The following NPAS3 variants were observed in gnomAD, a reference collection of about 807,000 sequenced individuals.
NPAS3 encodes the protein neuronal PAS domain-containing protein 3.
NPAS3 carries 14 observed loss-of-function variants against 73.1 expected under a neutral mutation model. The observed-to-expected ratio is 0.19, with a 90% confidence interval of 0.13 to 0.30. The LOEUF (loss-of-function observed/expected upper bound fraction) is 0.30. NPAS3 is among the 10% of genes least tolerant of loss of function. The probability of loss-of-function intolerance (pLI) is 1.00; values close to 1 mark genes in which losing one functional copy is unlikely to be tolerated. For synonymous variants in NPAS3, 620 were observed against 541.5 expected (o/e 1.14, Z -2.01); for missense variants, 1,096 against 1,250.0 (o/e 0.88, Z 1.86).
rs551816102 is a variant in NPAS3, at chr14:33,115,460, G to A, written c.140+59466G>A. 7.9e-5 allele frequency among the ~76,000 whole-genome samples: 12 copies of A among 152,144 alleles called. No homozygotes were observed. In the South Asian group the frequency reaches 2.5e-3, roughly 32 times the overall value. Reference sequence around the variant, plus strand: ...ATTCACAAGGTGAGCATATAATGCTGGTGTCATAAGACATCTTTTCTGAGT... The same window carrying A: ...ATTCACAAGGTGAGCATATAATGCTAGTGTCATAAGACATCTTTTCTGAGT... On this transcript the variant is annotated intron_variant, in intron 2 of 11. Coordinates refer to ENST00000356141, the Ensembl canonical transcript of NPAS3.
At chr14:33,301,323 T>TATATATATATA (rs1555370644) in intron 3 of NPAS3, among the ~76,000 whole-genome samples, 20 of 81,526 alleles carry the variant, frequency 2.5e-4, no homozygotes, top group East Asian at 3.8e-4. Context: ...TATATATATA[T>TATATATATATA]TTTTTTTTTT....
At chr14:32,935,495 A>AT (rs1212583528), upstream of NPAS3, among the ~76,000 whole-genome samples, 2 of 152,188 alleles carry the variant, frequency 1.3e-5, no homozygotes, top group Admixed American at 6.5e-5. Flanking sequence ...TAGTGTTATC[A>AT]TGTCACCTGT....
intron 4 of NPAS3, among the ~76,000 whole-genome samples, chr14:33,529,404 C>A (rs2053943515): frequency 6.6e-6 from 1 of 151,964 alleles, no homozygotes; most frequent in African/African-American, 2.4e-5. Flanking sequence ...TTTTCCTGAG[C>A]AGAATCTAGG....
chr14:33,337,785 C>T (rs1020176597), intron 3 of NPAS3, among the ~76,000 whole-genome samples: 1 of 152,022 alleles, frequency 6.6e-6, no homozygotes, highest in Non-Finnish European at 1.5e-5. Flanking sequence ...AGTGTACACA[C>T]AGGTCTTGTA....
At chr14:33,361,520 A>G (rs1375227896) in intron 3 of NPAS3, among the ~76,000 whole-genome samples, 1 of 152,202 alleles carries the variant, frequency 6.6e-6, no homozygotes, top group Non-Finnish European at 1.5e-5. Flanking sequence ...TTTTCCCAAA[A>G]GCAGTTCATT....
rs1594716537 is a variant in NPAS3 at position 33,334,238 on chromosome 14, A to G, written c.386-32948A>G. 3.9e-5 allele frequency among the ~76,000 whole-genome samples: 6 copies of G among 152,144 alleles called. No individual in the cohort carries two copies. The East Asian group carries it at 1.2e-3, about 29-fold the overall frequency. On this transcript the variant is annotated intron_variant, in intron 3 of 11. Transcript: ENST00000356141. Reference sequence around the variant, plus strand: ...TAAGAGCTTTGTTGAAGTATATTTTATATACTGTGCAATTCACTGATTATA... The same window carrying G: ...TAAGAGCTTTGTTGAAGTATATTTTGTATACTGTGCAATTCACTGATTATA...
chr14:33,133,674 G>A (rs949219334), intron 2 of NPAS3, among the ~76,000 whole-genome samples: 7 of 152,220 alleles, frequency 4.6e-5, no homozygotes, highest in African/African-American at 1.7e-4. Context: ...TAGAAAAGGT[G>A]ACAAGGGCTG....
rs540551823 is a variant in NPAS3 at position 33,383,235 on chromosome 14, G to GTCTTGT, written c.468+15970_468+15975dup. Among the ~76,000 whole-genome samples the GTCTTGT allele has an allele frequency of 7.6e-3, 1,163 of 152,112 alleles. 4 individuals are homozygous for GTCTTGT. Among genetic ancestry groups the GTCTTGT allele is most frequent in the Middle Eastern group, 0.014 (4 of 294 alleles). On this transcript the variant is annotated intron_variant, in intron 4 of 11. Transcript: ENST00000356141. ...TAAGCAACTTGAAGATGGCTGTCAT[G>GTCTTGT]TCTTGTTCATCTTCGTGTCTTCCAC...
At position 33,224,970 on chromosome 14, in the gene NPAS3, T is replaced by A. The variant is rs147800474; in HGVS notation, c.385+9544T>A. ...TGTTTCAAAATAAAAAGTTTTATTT[T>A]AAAAAAATCACTAGAATTCACTCTG... is the stretch of plus-strand genomic sequence containing the variant. On this transcript the variant is annotated intron_variant, in intron 3 of 11. Transcript: ENST00000356141. Among the ~76,000 whole-genome samples, 1,338 of 152,236 alleles carry A rather than the reference T, an allele frequency of 8.8e-3. 10 individuals carry two copies. Among genetic ancestry groups the A allele is most frequent in the Middle Eastern group, 0.031 (9 of 294 alleles).
chr14:33,585,068 C>T (rs8014872), intron 5 of NPAS3, among the ~76,000 whole-genome samples: 109,321 of 150,510 alleles, frequency 0.73, 40,501 homozygotes, highest in African/African-American at 0.87. Flanking sequence ...TCAATTCTTT[C>T]TTTTTTTTCG....
At chr14:33,210,988 G>A (rs147869849) in intron 2 of NPAS3, among the ~76,000 whole-genome samples, 71 of 152,282 alleles carry the variant, frequency 4.7e-4, no homozygotes, top group African/African-American at 1.5e-3. Context: ...CATTATTAAT[G>A]AGCATTGCAG....
chr14:33,328,740 C>T (rs771764648), intron 3 of NPAS3, among the ~76,000 whole-genome samples: 8 of 151,988 alleles, frequency 5.3e-5, no homozygotes, highest in Non-Finnish European at 7.4e-5. Flanking sequence ...TTATTTTCTA[C>T]CTTTTCCGTT....
intron 1 of NPAS3, among the ~76,000 whole-genome samples, chr14:33,005,060 C>CT (rs1234585655): frequency 7.9e-5 from 12 of 151,450 alleles, no homozygotes; most frequent in Admixed American, 5.3e-4. Flanking sequence ...TTATAGTTAA[C>CT]TTTTTTTTGT....
intron 1 of NPAS3, among the ~76,000 whole-genome samples, chr14:32,994,687 A>C (rs2038491023): frequency 1.4e-5 from 2 of 143,304 alleles, no homozygotes. Flanking sequence ...GCTGTAGTGC[A>C]GTGGCATGAT....
chr14:33,776,056 C>T (rs751931803), intron 8 of NPAS3, among the ~76,000 whole-genome samples: 1 of 152,194 alleles, frequency 6.6e-6, no homozygotes, highest in African/African-American at 2.4e-5. Flanking sequence ...CCTGTGGAGT[C>T]TCCTGGAGTC....
chr14:33,088,397 G>A (rs1363877096), intron 2 of NPAS3, among the ~76,000 whole-genome samples: 1 of 152,230 alleles, frequency 6.6e-6, no homozygotes, highest in Non-Finnish European at 1.5e-5. Flanking sequence ...TATATCCCGT[G>A]CCTGGCTCGG....
intron 3 of NPAS3, among the ~76,000 whole-genome samples, chr14:33,289,364 ATT>A (rs1208068568): frequency 6.6e-6 from 1 of 152,152 alleles, no homozygotes; most frequent in African/African-American, 2.4e-5. Context: ...CACATATAAA[ATT>A]TGTTATCTTC....
At position 33,575,638 on chromosome 14, in the gene NPAS3, G is replaced by T. The variant is rs182232429; in HGVS notation, c.558+15428G>T. ...TCAGTGAGCTCTTGGTAAGAGAAAT[G>T]ATTTGTTTGCTTTGTTGTTTGGAGC... On this transcript the variant is annotated intron_variant, in intron 5 of 11. Coordinates refer to ENST00000356141, the Ensembl canonical transcript of NPAS3. 3.3e-5 allele frequency among the ~76,000 whole-genome samples: 5 copies of T among 152,288 alleles called. No individual in the cohort carries two copies. In the East Asian group the frequency reaches 9.6e-4, roughly 29 times the overall value.
chr14:33,727,306 C>G lies in NPAS3; in HGVS notation c.734-7908C>G, dbSNP rs146823255. 5.4e-3 allele frequency among the ~76,000 whole-genome samples: 822 copies of G among 152,164 alleles called. 7 individuals carry two copies. Among genetic ancestry groups the G allele is most frequent in the African/African-American group, 0.019 (778 of 41,548 alleles). ...ATTGCAACCATAATTTTTTCTTCCT[C>G]TTTGGGATTCTAATTTTAAAAGCAT... On this transcript the variant is annotated intron_variant, in intron 6 of 11. Transcript: ENST00000356141.
Sources: allele counts gnomAD v4.1 joint callset (sites outside exome capture counted in the v4.1 genomes callset), GRCh38; gene constraint gnomAD v4.1.1; transcripts MANE v1.5; gene names NCBI Gene and HGNC (gene_info 2026-07-23, HGNC 2026-07-21).